BBS5: variants seen among roughly 807,000 people sequenced by gnomAD.
The protein encoded by BBS5 is BBSome complex member BBS5.
Under a neutral mutation model 50.2 loss-of-function variants are expected in BBS5, and 39 were observed. That is an observed-to-expected ratio of 0.78 (90% confidence interval 0.60 to 1.01). The LOEUF is 1.01. Among genes scored for constraint, BBS5 ranks in the 50% least tolerant of loss-of-function variants. The pLI, the probability that BBS5 is intolerant of heterozygous loss-of-function variation, is 0.00. For synonymous variants in BBS5, 134 were observed against 133.1 expected (o/e 1.01, Z -0.05); for missense variants, 356 against 401.5 (o/e 0.89, Z 0.97).
intron 2 of BBS5, 114 bp downstream of exon 2, chr2:169,482,447 G>A (rs933582965): frequency 2.5e-6 from 2 of 803,296 alleles, no homozygotes; most frequent in East Asian, 2.5e-5. Context: ...TGTGAGAATA[G>A]GAGAGTTAAA....
intron 1 of BBS5, among the ~76,000 whole-genome samples, chr2:169,480,258 T>C (rs927247688): frequency 2.0e-5 from 3 of 152,192 alleles, no homozygotes; most frequent in Non-Finnish European, 4.4e-5. Context: ...AGAAACCATG[T>C]TTTTGGAAAG....
intron 2 of BBS5, among the ~76,000 whole-genome samples, chr2:169,485,170 C>T (rs1012930915): frequency 2.1e-4 from 32 of 151,906 alleles, no homozygotes; most frequent in Non-Finnish European, 7.4e-5. Context: ...TAAAATGTTG[C>T]CTAGGTAAAA....
intron 3 of BBS5, 81 bp from the exon 4 acceptor site, chr2:169,487,725 G>A: frequency 2.0e-6 from 2 of 983,748 alleles, no homozygotes; most frequent in South Asian, 1.5e-5. Flanking sequence ...TAAAAGTTCT[G>A]TGTATACTTT....
intron 9 of BBS5, 117 bp from the exon 10 acceptor site, chr2:169,502,978 A>T: frequency 1.3e-6 from 1 of 792,010 alleles, no homozygotes; most frequent in South Asian, 1.5e-5. Flanking sequence ...ATAACAAATT[A>T]TACCGTGATT....
chr2:169,500,020 C>A (rs2105301872), intron 9 of BBS5, among the ~76,000 whole-genome samples: 1 of 152,324 alleles, frequency 6.6e-6, no homozygotes, highest in South Asian at 2.1e-4. Context: ...TATAGCAACT[C>A]CAGGAGTAGG....
chr2:169,490,187 A>ATTTTT (rs1189751993), intron 5 of BBS5, among the ~76,000 whole-genome samples: 20 of 79,394 alleles, frequency 2.5e-4, no homozygotes, highest in East Asian at 7.1e-4. Context: ...TGAAATGTGC[A>ATTTTT]TTTTTTTTTT....
At chr2:169,480,301 A>G (rs6736056) in intron 1 of BBS5, among the ~76,000 whole-genome samples, 100,220 of 152,062 alleles carry the variant, frequency 0.66, 34,275 homozygotes, top group Non-Finnish European at 0.75. Flanking sequence ...GAAACCTCCT[A>G]CTCCAAAATC....
rs1315524282 is a variant in BBS5, at chr2:169,504,559, G to A, written c.1003G>A (p.Gly335Arg). 2 of 1,612,812 alleles carry A rather than the reference G, an allele frequency of 1.2e-6. No individual in the cohort carries two copies. Among genetic ancestry groups the A allele is most frequent in the East Asian group, 2.2e-5 (1 of 44,868 alleles). ...EKLKDGFTLQ[G>R]LWEVMS ...ATTGAAGGATGGATTCACCCTACAG[G>A]GACTTTGGGAAGTAATGAGTTGATT... is the stretch of plus-strand genomic sequence containing the variant. Residue 335 changes from glycine (G) to arginine (R), a missense_variant, in exon 12 of 12, where the codon GGA becomes AGA. Physicochemically the swap from Gly to Arg is moderately radical, Grantham distance 125. Coordinates refer to ENST00000295240, the MANE Select transcript of BBS5 (RefSeq NM_152384.3).
intron 5 of BBS5, 69 bp from the exon 6 acceptor site, chr2:169,492,805 G>A: frequency 7.4e-7 from 1 of 1,348,922 alleles, no homozygotes; most frequent in East Asian, 2.5e-5. Context: ...ACATATTTTA[G>A]TAAGTAAACA....
intron 8 of BBS5, 53 bp from the exon 9 acceptor site, chr2:169,499,433 A>T: frequency 6.5e-7 from 1 of 1,548,856 alleles, no homozygotes; most frequent in East Asian, 2.3e-5. Flanking sequence ...TTATACTATA[A>T]ATACTGTTCT....
At chr2:169,497,123 C>G (rs1574341477) in intron 7 of BBS5, among the ~76,000 whole-genome samples, 1 of 152,250 alleles carries the variant, frequency 6.6e-6, no homozygotes, top group Non-Finnish European at 1.5e-5. Context: ...AGTTCAAGAT[C>G]AGCCTAGGCA....
chr2:169,500,717 C>T (rs1574343399), intron 9 of BBS5, among the ~76,000 whole-genome samples: 1 of 152,166 alleles, frequency 6.6e-6, no homozygotes, highest in Non-Finnish European at 1.5e-5. Flanking sequence ...CTCTCCCTGT[C>T]GAATTCCATA....
intron 5 of BBS5, among the ~76,000 whole-genome samples, chr2:169,489,098 CT>C (rs944097320): frequency 6.6e-6 from 1 of 152,026 alleles, no homozygotes; most frequent in African/African-American, 2.4e-5. Context: ...CTCAAATGAT[CT>C]TCCTGTCCTA....
At chr2:169,493,035 T>G in intron 6 of BBS5, 26 bp downstream of exon 6, 1 of 1,611,822 alleles carries the variant, frequency 6.2e-7, no homozygotes, top group Non-Finnish European at 8.5e-7. Context: ...CTAGTGAACC[T>G]TTTGGGACAG....
chr2:169,492,842 T>C (rs114391269), intron 5 of BBS5, 32 bp from the exon 6 acceptor site: 4 of 1,590,918 alleles, frequency 2.5e-6, no homozygotes, highest in Non-Finnish European at 2.6e-6. Flanking sequence ...CATTTTCAGT[T>C]TGAGTTGTCT....
At chr2:169,493,959 G>A (rs770317858) in intron 7 of BBS5, 123 bp downstream of exon 7, 4 of 653,822 alleles carry the variant, frequency 6.1e-6, no homozygotes, top group Non-Finnish European at 1.1e-5. Context: ...TATTAGCTGA[G>A]AGCATATTTT....
chr2:169,488,008 GCT>G lies in BBS5; in HGVS notation c.285_286del (p.Ile97ThrfsTer5). The G allele has an allele frequency of 6.2e-7, 1 of 1,613,674 alleles. No homozygotes were observed. The highest frequency in any genetic ancestry group is 8.5e-7 in the Non-Finnish European group (1 of 1,179,792). ...ANSKLRGQTE[A>X]LYILTKCNST... The stretch of plus-strand genomic sequence containing the variant: ...ACAGAAATTACGAGGCCAAACTGAA[GCT>G]CTCTATATACTAACAAAATGTAACA... On this transcript the variant is annotated frameshift_variant, in exon 5 of 12. Coordinates refer to ENST00000295240, the MANE Select transcript of BBS5 (RefSeq NM_152384.3). LOFTEE classifies it high-confidence loss of function.
chr2:169,506,557 A>G lies in BBS5; in HGVS notation c.*1975A>G, dbSNP rs1339579404. 1 of 152,646 alleles carries G rather than the reference A, an allele frequency of 6.6e-6. No homozygotes were observed. Among genetic ancestry groups the G allele is most frequent in the African/African-American group, 2.4e-5 (1 of 41,444 alleles). 9.5% of individuals were successfully genotyped at this position (152,646 alleles called of 1,614,324 possible). ...ATTGTAATCAAAATGTACCTAGTTTATAAATGTTTATTTTGTACTTAATAC... is the reference window on the plus strand; with the variant it reads ...ATTGTAATCAAAATGTACCTAGTTTGTAAATGTTTATTTTGTACTTAATAC... On this transcript the variant is annotated 3_prime_UTR_variant, in exon 12 of 12. Coordinates refer to ENST00000295240, the MANE Select transcript of BBS5 (RefSeq NM_152384.3).
At position 169,488,010 on chromosome 2, in the gene BBS5, T is replaced by G. The variant is rs942509826; in HGVS notation, c.282T>G (p.Ala94=). 8.7e-6 allele frequency: 14 copies of G among 1,613,680 alleles called. No homozygotes were observed. Among genetic ancestry groups the G allele is most frequent in the Non-Finnish European group, 1.0e-5 (12 of 1,179,858 alleles). Residue 94 remains alanine, a synonymous_variant, in exon 5 of 12, where the codon GCT becomes GCG. Transcript: ENST00000295240. ...ANSKLRGQTE[A]LYILTKCNST... ...AGAAATTACGAGGCCAAACTGAAGCTCTCTATATACTAACAAAATGTAACA... is the reference window on the plus strand; with the variant it reads ...AGAAATTACGAGGCCAAACTGAAGCGCTCTATATACTAACAAAATGTAACA...
Sources: gnomAD v4.1 joint callset for allele counts (sites outside exome capture counted in the v4.1 genomes callset) on GRCh38, gnomAD v4.1.1 for gene constraint, MANE v1.5 for transcripts, NCBI Gene and HGNC (gene_info 2026-07-23, HGNC 2026-07-21) for gene names.